The following GLIS3 variants were observed in gnomAD, a reference collection of about 807,000 sequenced individuals.
GLIS3 encodes the protein GLIS family zinc finger 3.
GLIS3 carries 53 observed loss-of-function variants against 78.6 expected under a neutral mutation model. The observed-to-expected ratio is 0.67, with a 90% CI of 0.54 to 0.85. The LOEUF is 0.85. Among genes scored for constraint, GLIS3 ranks in the 40% least tolerant of loss-of-function variants. The probability of loss-of-function intolerance (pLI) is 0.00; values close to 1 mark genes in which losing one functional copy is unlikely to be tolerated. For synonymous variants in GLIS3, 684 were observed against 509.9 expected (o/e 1.34, Z -4.60); for missense variants, 1,703 against 1,231.1 (o/e 1.38, Z -5.74).
At chr9:3,913,431 A>G (rs1824282300) in intron 6 of GLIS3, among the ~76,000 whole-genome samples, 1 of 152,222 alleles carries the variant, frequency 6.6e-6, no homozygotes, top group Admixed American at 6.5e-5. Flanking sequence ...GGGCTTTAAC[A>G]TGCTGGCTCT....
At chr9:4,035,990 A>G (rs925178685) in intron 4 of GLIS3, 3 of 152,268 alleles carry the variant, frequency 2.0e-5, no homozygotes, top group African/African-American at 7.2e-5. Flanking sequence ...ACATGCTCCT[A>G]TACCAGATGA....
upstream of GLIS3, among the ~76,000 whole-genome samples, chr9:4,302,044 A>G (rs1453260108): frequency 6.9e-6 from 1 of 144,288 alleles, no homozygotes; most frequent in African/African-American, 2.6e-5. Context: ...CTTATATTCC[A>G]TGGGTTATAG....
intron 1 of GLIS3, among the ~76,000 whole-genome samples, chr9:4,296,225 G>C (rs1257230458): frequency 6.7e-6 from 1 of 148,396 alleles, no homozygotes. Flanking sequence ...TATAATATGA[G>C]AGAGACAACA....
chr9:4,483,724 A>G, the GLIS3 span, among the ~76,000 whole-genome samples: 212 of 120,646 alleles, frequency 1.8e-3, 1 homozygote, highest in African/African-American at 7.5e-3. Flanking sequence ...TCGTCTTGGG[A>G]AAAAAAAAAA....
rs34432920 is a variant in GLIS3, at chr9:4,070,474, G to A, written c.1710+47294C>T. Among the ~76,000 whole-genome samples, 557 of 152,146 alleles carry A rather than the reference G, an allele frequency of 3.7e-3. 1 individual carries two copies. Among genetic ancestry groups the A allele is most frequent in the Non-Finnish European group, 5.9e-3 (400 of 67,984 alleles). Reference sequence around the variant, plus strand: ...CAAAAAGTCTCCACAGGAAGTGGTGGTTACTCTGTGTGTGTGCATGTGCGT... The same window carrying A: ...CAAAAAGTCTCCACAGGAAGTGGTGATTACTCTGTGTGTGTGCATGTGCGT... On this transcript the variant is annotated intron_variant, in intron 4 of 10. Transcript: ENST00000381971.
chr9:4,317,499 C>A (rs1374127719), intron 2 of GLIS3, among the ~76,000 whole-genome samples: 1 of 152,162 alleles, frequency 6.6e-6, no homozygotes, highest in African/African-American at 2.4e-5. Flanking sequence ...TTAAAAATAT[C>A]AGTCTAAAGA....
At chr9:3,841,702 T>C (rs950036173) in intron 9 of GLIS3, among the ~76,000 whole-genome samples, 8 of 152,322 alleles carry the variant, frequency 5.3e-5, no homozygotes, top group African/African-American at 1.7e-4. Context: ...AAGAAAGAGT[T>C]GGGAATTTTT....
intron 2 of GLIS3, among the ~76,000 whole-genome samples, chr9:4,146,025 C>A (rs925907975): frequency 6.6e-6 from 1 of 152,142 alleles, no homozygotes; most frequent in Admixed American, 6.5e-5. Flanking sequence ...GCAATTTTAA[C>A]CTATAAAACC....
chr9:4,063,037 CTCTT>C (rs1477506960), intron 4 of GLIS3, among the ~76,000 whole-genome samples: 2 of 152,024 alleles, frequency 1.3e-5, no homozygotes, highest in Non-Finnish European at 2.9e-5. Context: ...ACTCTCTTGA[CTCTT>C]TATCTCACCA....
chr9:4,050,478 A>T (rs2130468763), intron 4 of GLIS3, among the ~76,000 whole-genome samples: 1 of 152,310 alleles, frequency 6.6e-6, no homozygotes, highest in African/African-American at 2.4e-5. Flanking sequence ...GGATAGCGTT[A>T]GGTGAAATAC....
At chr9:4,105,511 C>A (rs912182091) in intron 4 of GLIS3, among the ~76,000 whole-genome samples, 7 of 152,108 alleles carry the variant, frequency 4.6e-5, no homozygotes, top group Admixed American at 4.6e-4. Context: ...ACTAAAAATG[C>A]CTTTTATGAA....
At chr9:4,434,555 A>G in the GLIS3 span, among the ~76,000 whole-genome samples, 1 of 152,194 alleles carries the variant, frequency 6.6e-6, no homozygotes, top group Non-Finnish European at 1.5e-5. Context: ...AGTGTTGTGT[A>G]TATTCAATTA....
At chr9:4,282,480 C>A (rs1587294245) in intron 2 of GLIS3, among the ~76,000 whole-genome samples, 1 of 152,312 alleles carries the variant, frequency 6.6e-6, no homozygotes, top group African/African-American at 2.4e-5. Context: ...ATTCTTCCTG[C>A]CTGATTGCCT....
the GLIS3 span, among the ~76,000 whole-genome samples, chr9:4,440,623 G>C: frequency 2.6e-5 from 4 of 152,004 alleles, no homozygotes; most frequent in African/African-American, 9.7e-5. Flanking sequence ...GTTCTTTTTG[G>C]TCAGAATTGC....
chr9:3,960,085 C>T (rs1817448321), intron 4 of GLIS3, among the ~76,000 whole-genome samples: 2 of 152,104 alleles, frequency 1.3e-5, no homozygotes, highest in Non-Finnish European at 2.9e-5. Flanking sequence ...TGCAGTGAGC[C>T]GAGATGGAGC....
intron 2 of GLIS3, among the ~76,000 whole-genome samples, chr9:4,264,205 G>A (rs936340110): frequency 6.6e-6 from 1 of 152,150 alleles, no homozygotes; most frequent in African/African-American, 2.4e-5. Context: ...CAAACACCTA[G>A]AGGTATTCAC....
chr9:4,073,862 G>A (rs1017206837), intron 4 of GLIS3, among the ~76,000 whole-genome samples: 1 of 152,190 alleles, frequency 6.6e-6, no homozygotes, highest in East Asian at 1.9e-4. Flanking sequence ...CTGGCACATA[G>A]GAGGTGCTCA....
intron 2 of GLIS3, among the ~76,000 whole-genome samples, chr9:4,345,573 C>G (rs1817887152): frequency 6.6e-6 from 1 of 152,144 alleles, no homozygotes; most frequent in South Asian, 2.1e-4. Context: ...GAGGAAGAAA[C>G]AGGTTCCATG....
intron 2 of GLIS3, among the ~76,000 whole-genome samples, chr9:4,275,528 G>A (rs1036619519): frequency 2.6e-5 from 4 of 151,926 alleles, no homozygotes; most frequent in Non-Finnish European, 5.9e-5. Flanking sequence ...GGGAGGCCGA[G>A]GTGGAAGGAT....
Sources: gnomAD v4.1 joint callset for allele counts (sites outside exome capture counted in the v4.1 genomes callset) on GRCh38, gnomAD v4.1.1 for gene constraint, MANE v1.5 for transcripts, NCBI Gene and HGNC (gene_info 2026-07-23, HGNC 2026-07-21) for gene names.